Variants in ESCO1 observed in about 807,000 individuals in gnomAD.
The protein encoded by ESCO1 is establishment of sister chromatid cohesion N-acetyltransferase 1, also known as N-acetyltransferase ESCO1.
In ESCO1, 33 loss-of-function variants were observed where a neutral mutation model predicts 83.5. That is an observed-to-expected ratio of 0.40 (90% CI 0.30 to 0.53). The LOEUF is 0.53. ESCO1 is among the 20% of genes least tolerant of loss of function. The probability of loss-of-function intolerance (pLI) is 0.63; values close to 1 mark genes in which losing one functional copy is unlikely to be tolerated. For missense variants in ESCO1, 855 were observed against 968.0 expected (o/e 0.88, Z 1.55); for synonymous variants, 332 against 324.3 (o/e 1.02, Z -0.25).
intron 7 of ESCO1, 75 bp downstream of exon 7, chr18:21,564,128 C>T (rs1327006950): frequency 7.4e-6 from 7 of 950,004 alleles, no homozygotes; most frequent in Admixed American, 2.6e-5. Context: ...CCTCAGATAT[C>T]GTATTATAGC....
At chr18:21,577,691 C>T (rs1158078429) in intron 2 of ESCO1, among the ~76,000 whole-genome samples, 1 of 151,812 alleles carries the variant, frequency 6.6e-6, no homozygotes, top group Non-Finnish European at 1.5e-5. Flanking sequence ...AGATATTCTC[C>T]CAGATTGCCA....
At chr18:21,595,549 G>A (rs1169902059) in intron 1 of ESCO1, among the ~76,000 whole-genome samples, 2 of 150,746 alleles carry the variant, frequency 1.3e-5, no homozygotes, top group African/African-American at 4.9e-5. Flanking sequence ...GGTGCCTGTA[G>A]TTCCAGCTAC....
intron 1 of ESCO1, chr18:21,593,630 G>GGAGAGGGAGAGGGAGAGT: frequency 6.6e-6 from 1 of 151,288 alleles, no homozygotes; most frequent in Admixed American, 6.6e-5. Flanking sequence ...AGAGGGAGAG[G>GGAGAGGGAGAGGGAGAGT]GCCACCACAG....
intron 8 of ESCO1, among the ~76,000 whole-genome samples, chr18:21,548,850 G>A (rs1304121322): frequency 1.3e-5 from 2 of 151,604 alleles, no homozygotes; most frequent in Admixed American, 1.3e-4. Context: ...TCAGGCAGGA[G>A]GATCCCCTGA....
chr18:21,587,653 G>A (rs1356981511), intron 1 of ESCO1, among the ~76,000 whole-genome samples: 2 of 151,950 alleles, frequency 1.3e-5, no homozygotes, highest in Non-Finnish European at 2.9e-5. Context: ...AAAGATAAAA[G>A]TAGCCAGGTG....
chr18:21,542,204 G>A (rs1568093474), intron 8 of ESCO1, among the ~76,000 whole-genome samples: 1 of 151,734 alleles, frequency 6.6e-6, no homozygotes, highest in African/African-American at 2.4e-5. Flanking sequence ...TTACTTATTT[G>A]AGACAGAGTC....
intron 2 of ESCO1, among the ~76,000 whole-genome samples, chr18:21,581,664 G>T (rs1222056493): frequency 6.6e-6 from 1 of 151,726 alleles, no homozygotes; most frequent in Non-Finnish European, 1.5e-5. Flanking sequence ...AATCCATCAG[G>T]GAATTTAGTA....
Position 21,539,956 on chromosome 18 carries a change from CATT to C in ESCO1, c.2004_2006del (p.Ile668del). 1 of 1,613,442 alleles carries C rather than the reference CATT, an allele frequency of 6.2e-7. No individual in the cohort carries two copies. The highest frequency in any genetic ancestry group is 8.5e-7 in the Non-Finnish European group (1 of 1,179,822). On this transcript the variant is annotated inframe_deletion, in exon 9 of 12. Coordinates refer to ENST00000269214, the MANE Select transcript of ESCO1 (RefSeq NM_052911.3). ...CATACTTTGGGTCTTCAGGAAGAAC[CATT>C]ATTATCCTGCCATCAGGGTATTCAG...
intron 2 of ESCO1, among the ~76,000 whole-genome samples, 178 bp downstream of exon 2, chr18:21,584,129 CAGG>C (rs1354387855): frequency 6.6e-6 from 1 of 152,018 alleles, no homozygotes; most frequent in Non-Finnish European, 1.5e-5. Flanking sequence ...GACCAAGTAC[CAGG>C]AGTAGGAGAA....
intron 8 of ESCO1, among the ~76,000 whole-genome samples, chr18:21,557,035 T>C (rs1277083450): frequency 6.6e-6 from 1 of 152,186 alleles, no homozygotes; most frequent in African/African-American, 2.4e-5. Flanking sequence ...ATCAATGTTC[T>C]TTCCTATTTC....
At chr18:21,582,891 T>C (rs2038521711) in intron 2 of ESCO1, among the ~76,000 whole-genome samples, 1 of 152,206 alleles carries the variant, frequency 6.6e-6, no homozygotes. Context: ...GTGCTAATTT[T>C]CAAACAGTTT....
intron 8 of ESCO1, among the ~76,000 whole-genome samples, chr18:21,560,226 T>A (rs1468102723): frequency 6.6e-6 from 1 of 151,908 alleles, no homozygotes; most frequent in Non-Finnish European, 1.5e-5. Flanking sequence ...GCTAAAAAAA[T>A]TTTGCTATTT....
rs1298709995 is a variant in ESCO1 at position 21,530,001 on chromosome 18, A to G, written c.*342T>C. ...CCAAGCTACACTGGTATATTTCCAT[A>G]TTAAGAACTTCAAAATATACTTATC... On this transcript the variant is annotated 3_prime_UTR_variant, in exon 12 of 12. Coordinates refer to ENST00000269214, the MANE Select transcript of ESCO1 (RefSeq NM_052911.3). 1 of 171,850 alleles carries G rather than the reference A, an allele frequency of 5.8e-6. No homozygotes were observed. The highest frequency in any genetic ancestry group is 1.2e-5 in the Non-Finnish European group (1 of 81,240). 10.6% of individuals were successfully genotyped at this position (171,850 alleles called of 1,614,324 possible).
rs142578994 is a variant in ESCO1, at chr18:21,576,068, T to A, written c.-693-291A>T. 6.0e-3 allele frequency among the ~76,000 whole-genome samples: 904 copies of A among 151,868 alleles called. 8 individuals carry two copies. Among genetic ancestry groups the A allele is most frequent in the Admixed American group, 0.015 (226 of 15,248 alleles). ...AATTGGTTAAACCAATAAAGTAAAA[T>A]CCTATTTTGGGGAAAAAACAAAGCA... On this transcript the variant is annotated intron_variant, in intron 2 of 11. Coordinates refer to ENST00000269214, the MANE Select transcript of ESCO1 (RefSeq NM_052911.3).
At chr18:21,559,286 G>C (rs920669963) in intron 8 of ESCO1, among the ~76,000 whole-genome samples, 2 of 152,208 alleles carry the variant, frequency 1.3e-5, no homozygotes, top group Admixed American at 6.5e-5. Context: ...ATCAAGGGGG[G>C]GTTGGAGGAG....
chr18:21,574,226 G>A lies in ESCO1; in HGVS notation c.618C>T (p.Arg206=). The A allele has an allele frequency of 6.2e-7, 1 of 1,613,678 alleles. No homozygotes were observed. The highest frequency in any genetic ancestry group is 8.5e-7 in the Non-Finnish European group (1 of 1,179,982). The change falls in exon 4 of 12, where the codon CGC becomes CGT. Residue 206 remains arginine (R), a synonymous_variant. Coordinates refer to ENST00000269214, the MANE Select transcript of ESCO1 (RefSeq NM_052911.3). ...CACAAGCTGTCTGATGTTCTACCTT[G>A]CGTTTTTTCCCTTTGGGAGAATTTA... is the stretch of plus-strand genomic sequence containing the variant. ...EVINSPKGKK[R]KVEHQTACAC...
At chr18:21,584,072 A>T (rs1598476958) in intron 2 of ESCO1, among the ~76,000 whole-genome samples, 1 of 152,198 alleles carries the variant, frequency 6.6e-6, no homozygotes, top group Non-Finnish European at 1.5e-5. Context: ...ATCTGGAAGG[A>T]GACACTAACT....
chr18:21,543,969 T>C (rs2037938869), intron 8 of ESCO1, among the ~76,000 whole-genome samples: 1 of 152,168 alleles, frequency 6.6e-6, no homozygotes, highest in Non-Finnish European at 1.5e-5. Context: ...GGTACTTTTA[T>C]GTTTAAAAAA....
intron 8 of ESCO1, among the ~76,000 whole-genome samples, chr18:21,548,959 A>G (rs1330979644): frequency 6.6e-6 from 1 of 151,896 alleles, no homozygotes; most frequent in Non-Finnish European, 1.5e-5. Flanking sequence ...AAAAAGAGGC[A>G]AGAAATATAA....
Sources: gnomAD v4.1 joint callset for allele counts (sites outside exome capture counted in the v4.1 genomes callset) on GRCh38, gnomAD v4.1.1 for gene constraint, MANE v1.5 for transcripts, NCBI Gene and HGNC (gene_info 2026-07-23, HGNC 2026-07-21) for gene names.